Variants in ZNF804A observed in about 807,000 individuals in gnomAD.
ZNF804A encodes zinc finger protein 804A.
In ZNF804A, 2 loss-of-function variants were observed where a neutral mutation model predicts 16.5. The observed-to-expected ratio is 0.12, with a 90% CI of 0.05 to 0.38. The LOEUF is 0.38. Ranked by LOEUF, ZNF804A falls within the 10% of genes least tolerant of loss-of-function variation. The pLI, the probability that ZNF804A is intolerant of heterozygous loss-of-function variation, is 0.99. For missense variants in ZNF804A, 1,473 were observed against 1,390.7 expected, an observed-to-expected ratio of 1.06 and a Z score of -0.94; for synonymous variants, 534 against 489.6, an observed-to-expected ratio of 1.09 and a Z score of -1.20.
chr2:184,737,943 G>A (rs1305014392), intron 1 of ZNF804A, among the ~76,000 whole-genome samples: 1 of 151,962 alleles, frequency 6.6e-6, no homozygotes, highest in Non-Finnish European at 1.5e-5. Context: ...GACCAACATG[G>A]AGAAACCCTG....
chr2:184,727,923 A>G (rs1020348688), intron 1 of ZNF804A, among the ~76,000 whole-genome samples: 2 of 151,778 alleles, frequency 1.3e-5, no homozygotes, highest in African/African-American at 4.8e-5. Context: ...AATCTGCCCA[A>G]GAACATTCAA....
chr2:184,830,474 G>A (rs1695245839), intron 1 of ZNF804A, among the ~76,000 whole-genome samples: 1 of 152,020 alleles, frequency 6.6e-6, no homozygotes, highest in Non-Finnish European at 1.5e-5. Flanking sequence ...ACAGTAACCA[G>A]GATTAAAGAT....
intron 1 of ZNF804A, among the ~76,000 whole-genome samples, chr2:184,605,864 C>T (rs1691137311): frequency 6.6e-6 from 1 of 152,056 alleles, no homozygotes; most frequent in African/African-American, 2.4e-5. Context: ...TATTATAGTA[C>T]ACTTCCTATT....
chr2:184,795,093 C>T (rs1694611197), intron 1 of ZNF804A, among the ~76,000 whole-genome samples: 1 of 151,694 alleles, frequency 6.6e-6, no homozygotes, highest in African/African-American at 2.4e-5. Context: ...TTACAGAACA[C>T]CTATCCAACA....
At chr2:184,838,851 T>C (rs981941982) in intron 1 of ZNF804A, among the ~76,000 whole-genome samples, 1 of 152,146 alleles carries the variant, frequency 6.6e-6, no homozygotes, top group Non-Finnish European at 1.5e-5. Flanking sequence ...AATGCATGCA[T>C]ATGATATTGC....
chr2:184,901,297 G>T (rs1473630570), intron 2 of ZNF804A, among the ~76,000 whole-genome samples: 6 of 152,146 alleles, frequency 3.9e-5, no homozygotes, highest in Non-Finnish European at 8.8e-5. Flanking sequence ...GAAGGCAGAG[G>T]AAACTTCAGA....
At chr2:184,713,417 C>T (rs556869701) in intron 1 of ZNF804A, among the ~76,000 whole-genome samples, 168 of 151,910 alleles carry the variant, frequency 1.1e-3, no homozygotes, top group African/African-American at 3.7e-3. Context: ...ATCCAAACCA[C>T]GGTTTAATTT....
At chr2:184,696,032 G>A (rs1284694532) in intron 1 of ZNF804A, among the ~76,000 whole-genome samples, 3 of 152,022 alleles carry the variant, frequency 2.0e-5, no homozygotes, top group Non-Finnish European at 2.9e-5. Flanking sequence ...TATCCATTGC[G>A]TTGTTATATT....
At chr2:184,749,921 G>A (rs1693853583) in intron 1 of ZNF804A, among the ~76,000 whole-genome samples, 1 of 151,214 alleles carries the variant, frequency 6.6e-6, no homozygotes, top group Admixed American at 6.6e-5. Context: ...AAAGTATAAA[G>A]ATAATAATTC....
intron 2 of ZNF804A, among the ~76,000 whole-genome samples, chr2:184,867,069 A>G (rs1695888363): frequency 6.6e-6 from 1 of 151,862 alleles, no homozygotes; most frequent in African/African-American, 2.4e-5. Context: ...TCATTTTAAT[A>G]TTTTCATTTT....
At chr2:184,614,780 A>G (rs1446455656) in intron 1 of ZNF804A, among the ~76,000 whole-genome samples, 5 of 152,198 alleles carry the variant, frequency 3.3e-5, no homozygotes, top group African/African-American at 9.7e-5. Context: ...AACAAACATG[A>G]AAAAAAGCTC....
intron 1 of ZNF804A, among the ~76,000 whole-genome samples, chr2:184,822,230 GA>G (rs1695097320): frequency 2.0e-5 from 3 of 152,196 alleles, no homozygotes; most frequent in Admixed American, 2.0e-4. Context: ...TATGCGGCTA[GA>G]AAAAGGAAGG....
intron 1 of ZNF804A, among the ~76,000 whole-genome samples, chr2:184,751,514 G>A (rs1039541953): frequency 8.6e-5 from 13 of 151,270 alleles, no homozygotes; most frequent in African/African-American, 3.1e-4. Context: ...AAATAGGCAC[G>A]TGACACTACA....
At chr2:184,674,290 G>T (rs1382248650) in intron 1 of ZNF804A, among the ~76,000 whole-genome samples, 5 of 151,820 alleles carry the variant, frequency 3.3e-5, no homozygotes, top group Non-Finnish European at 7.4e-5. Context: ...GACTCATCTT[G>T]ACTTAAAGTT....
At chr2:184,796,863 T>G (rs1471553735) in intron 1 of ZNF804A, among the ~76,000 whole-genome samples, 2 of 151,630 alleles carry the variant, frequency 1.3e-5, no homozygotes. Flanking sequence ...ATTTAATTTC[T>G]ATCTTGATTT....
chr2:184,606,201 A>C (rs1460272826), intron 1 of ZNF804A, among the ~76,000 whole-genome samples: 17 of 152,186 alleles, frequency 1.1e-4, no homozygotes, highest in Admixed American at 1.1e-3. Context: ...GATATTACCC[A>C]AGACCAGGTA....
At chr2:184,799,438 C>G (rs1490369299) in intron 1 of ZNF804A, among the ~76,000 whole-genome samples, 1 of 152,118 alleles carries the variant, frequency 6.6e-6, no homozygotes, top group Non-Finnish European at 1.5e-5. Flanking sequence ...ATATATTAAG[C>G]TACAGTTTTC....
chr2:184,660,880 T>C (rs901845329), intron 1 of ZNF804A, among the ~76,000 whole-genome samples: 1 of 152,252 alleles, frequency 6.6e-6, no homozygotes, highest in Non-Finnish European at 1.5e-5. Flanking sequence ...CTATCTTACT[T>C]GATATGATTT....
At chr2:184,816,972 T>G (rs1195074225) in intron 1 of ZNF804A, among the ~76,000 whole-genome samples, 1 of 152,034 alleles carries the variant, frequency 6.6e-6, no homozygotes, top group East Asian at 1.9e-4. Flanking sequence ...TCTTAAGTAC[T>G]TCAGCCATTT....
Sources: allele counts gnomAD v4.1 joint callset (sites outside exome capture counted in the v4.1 genomes callset), GRCh38; gene constraint gnomAD v4.1.1; transcripts MANE v1.5; gene names NCBI Gene and HGNC (gene_info 2026-07-23, HGNC 2026-07-21).